Variants in SCAPER observed in about 807,000 individuals in gnomAD.
SCAPER encodes the protein S phase cyclin A-associated protein in the endoplasmic reticulum.
A neutral mutation model predicts 182.2 loss-of-function variants in SCAPER; 98 were observed. That is an observed-to-expected ratio of 0.54 (90% CI 0.46 to 0.64). The LOEUF is 0.64. SCAPER is among the 30% of genes least tolerant of loss of function. SCAPER has a pLI of 0.00. For synonymous variants in SCAPER, 605 were observed against 564.6 expected, an observed-to-expected ratio of 1.07 and a Z score of -1.01; for missense variants, 1,432 against 1,690.0, an observed-to-expected ratio of 0.85 and a Z score of 2.68.
chr15:76,547,276 T>A (rs2045374760), intron 23 of SCAPER, among the ~76,000 whole-genome samples: 1 of 152,184 alleles, frequency 6.6e-6, no homozygotes. Flanking sequence ...GACCTCTGAT[T>A]ATTAATGAGA....
At chr15:76,426,390 G>T (rs1042436088) in intron 26 of SCAPER, among the ~76,000 whole-genome samples, 5 of 152,186 alleles carry the variant, frequency 3.3e-5, no homozygotes, top group African/African-American at 1.2e-4. Context: ...GGCTCCATGG[G>T]TGTGGGACCC....
At chr15:76,746,708 TTG>T (rs1567998211) in intron 15 of SCAPER, among the ~76,000 whole-genome samples, 2 of 152,354 alleles carry the variant, frequency 1.3e-5, no homozygotes, top group South Asian at 2.1e-4. Flanking sequence ...TAAAAATTGA[TTG>T]TGTGTCTACA....
At chr15:76,740,686 T>C (rs998996864) in intron 15 of SCAPER, among the ~76,000 whole-genome samples, 2 of 152,166 alleles carry the variant, frequency 1.3e-5, no homozygotes, top group Non-Finnish European at 2.9e-5. Context: ...AGAGCATATA[T>C]GAGCTTTTCC....
intron 20 of SCAPER, among the ~76,000 whole-genome samples, chr15:76,673,128 A>G (rs189318129): frequency 6.6e-6 from 1 of 152,292 alleles, no homozygotes; most frequent in East Asian, 1.9e-4. Context: ...CTTTCAAGCA[A>G]GAAAAGCACA....
Position 76,795,303 on chromosome 15 carries a change from A to G in SCAPER, c.749T>C (p.Val250Ala), listed in dbSNP as rs368899247. The G allele has an allele frequency of 6.2e-7, 1 of 1,612,906 alleles. No homozygotes were observed. The highest frequency in any genetic ancestry group is 1.3e-5 in the African/African-American group (1 of 75,036). Residue 250 changes from valine to alanine, a missense_variant, in exon 8 of 32, where the codon GTG becomes GCG. Physicochemically the swap from Val to Ala is moderately conservative, Grantham distance 64. Around this residue, in one of 5 missense-constraint regions of SCAPER, gnomAD observed 480 missense variants for 510.2 expected, o/e 0.94. Transcript: ENST00000563290. Reference protein sequence around the residue: ...TPAQSCPPMTVQKASRKNERK... With the variant: ...TPAQSCPPMTAQKASRKNERK... Reference sequence around the variant, plus strand: ...GCCATTTTTGCGTGAGGCCTTCTGCACTGTCATTGGTGGGCAAGACTGGGC... The same window carrying G: ...GCCATTTTTGCGTGAGGCCTTCTGCGCTGTCATTGGTGGGCAAGACTGGGC...
chr15:76,644,400 C>T (rs1181044001), intron 21 of SCAPER, among the ~76,000 whole-genome samples: 3 of 151,966 alleles, frequency 2.0e-5, no homozygotes, highest in Non-Finnish European at 4.4e-5. Context: ...TTTCTAAATG[C>T]TTGATAAATT....
intron 17 of SCAPER, among the ~76,000 whole-genome samples, chr15:76,715,809 C>G (rs924501164): frequency 3.9e-5 from 6 of 152,144 alleles, no homozygotes; most frequent in African/African-American, 1.4e-4. Context: ...AGAAGCATGC[C>G]TACATCCCAG....
chr15:76,705,062 C>A (rs1048903293), intron 18 of SCAPER, among the ~76,000 whole-genome samples: 3 of 152,066 alleles, frequency 2.0e-5, no homozygotes, highest in African/African-American at 4.8e-5. Flanking sequence ...ACCCAAAGGA[C>A]TATAAATCAT....
chr15:76,753,221 C>T (rs1378469677), intron 15 of SCAPER, among the ~76,000 whole-genome samples: 1 of 151,798 alleles, frequency 6.6e-6, no homozygotes, highest in Non-Finnish European at 1.5e-5. Context: ...AACACATGTC[C>T]ATCAACAAGT....
At chr15:76,438,411 C>G (rs2047345030) in intron 25 of SCAPER, among the ~76,000 whole-genome samples, 1 of 152,096 alleles carries the variant, frequency 6.6e-6, no homozygotes, top group Non-Finnish European at 1.5e-5. Context: ...CCTCATCTGC[C>G]CCAAGAAAAT....
intron 8 of SCAPER, among the ~76,000 whole-genome samples, chr15:76,792,470 T>C (rs1358431192): frequency 6.6e-6 from 1 of 152,190 alleles, no homozygotes; most frequent in Admixed American, 6.5e-5. Flanking sequence ...ACTCCCATTG[T>C]TGAGTGGTGG....
intron 20 of SCAPER, among the ~76,000 whole-genome samples, chr15:76,671,899 AAC>A: frequency 6.6e-6 from 1 of 152,260 alleles, no homozygotes; most frequent in Non-Finnish European, 1.5e-5. Context: ...CTAAAAAAGG[AAC>A]AGTTACTCAC....
Position 76,354,015 on chromosome 15 carries a change from G to C in SCAPER, c.3981C>G (p.Asn1327Lys), listed in dbSNP as rs774619387. 4.7e-5 allele frequency: 75 copies of C among 1,607,008 alleles called. No individual in the cohort carries two copies. Among genetic ancestry groups the C allele is most frequent in the Non-Finnish European group, 6.3e-5 (74 of 1,177,980 alleles). ...CCAGAATGATCTTGTTCTGATGGTT[G>C]TTGTAACAAGCAGCGATAAGTGAAG... ...LFPSLIAACY[N>K]NHQNKIILEQ... is the part of the protein sequence containing the mutation. Residue 1327 changes from asparagine (N) to lysine (K), a missense_variant, in exon 30 of 32, where the codon AAC becomes AAG. Physicochemically the swap from Asn to Lys is moderately conservative, Grantham distance 94. Transcript: ENST00000563290. The surrounding 1 kb of genome is among the most constrained non-coding windows in gnomAD (Gnocchi z 4.4).
intron 23 of SCAPER, among the ~76,000 whole-genome samples, chr15:76,555,097 T>TAA (rs549768853): frequency 2.6e-5 from 4 of 151,858 alleles, no homozygotes; most frequent in Non-Finnish European, 5.9e-5. Flanking sequence ...TCAGCATTCT[T>TAA]AAAAAAAACT....
intron 23 of SCAPER, among the ~76,000 whole-genome samples, chr15:76,517,493 G>C (rs537332487): frequency 1.4e-4 from 22 of 151,896 alleles, no homozygotes; most frequent in African/African-American, 5.3e-4. Flanking sequence ...GGGACTACAG[G>C]CATGTGCCAC....
rs1597198454 is a variant in SCAPER at position 76,525,818 on chromosome 15, A to G, written c.2839-20844T>C. Among the ~76,000 whole-genome samples, 3 of 152,342 alleles carry G rather than the reference A, an allele frequency of 2.0e-5. No homozygotes were observed. In the South Asian group the frequency reaches 6.2e-4, roughly 32 times the overall value. ...TATTGTGAATAGCACAGCGGTGAAC[A>G]TAAGAGTACATGTGTCTTTTTGGCA... On this transcript the variant is annotated intron_variant, in intron 23 of 31. Transcript: ENST00000563290.
intron 29 of SCAPER, among the ~76,000 whole-genome samples, chr15:76,363,392 G>A (rs966127516): frequency 7.2e-5 from 11 of 152,206 alleles, no homozygotes; most frequent in African/African-American, 2.4e-4. Flanking sequence ...TTCTATGTGT[G>A]AGAACAGTTA....
At chr15:76,775,184 GAATA>G in intron 8 of SCAPER, 67 bp from the exon 9 acceptor site, 1 of 1,395,840 alleles carries the variant, frequency 7.2e-7, no homozygotes, top group Non-Finnish European at 9.6e-7. Context: ...GAAACTCATA[GAATA>G]AAAACATTTT....
Position 76,747,071 on chromosome 15 carries a change from A to G in SCAPER, c.1866+6737T>C, listed in dbSNP as rs143905808. On this transcript the variant is annotated intron_variant, in intron 15 of 31. Coordinates refer to ENST00000563290, the MANE Select transcript of SCAPER (RefSeq NM_020843.4). ...TACATCATGTTTGGTGGGGACAGGG[A>G]TAACAAAGTTGGAGGACTCACTGTT... 3.9e-4 allele frequency among the ~76,000 whole-genome samples: 60 copies of G among 152,370 alleles called. 2 individuals are homozygous for G. In the East Asian group the frequency reaches 0.012, roughly 29 times the overall value.
Sources: allele counts gnomAD v4.1 joint callset (sites outside exome capture counted in the v4.1 genomes callset), GRCh38; gene constraint gnomAD v4.1.1; regional missense constraint gnomAD v4.1.1; non-coding constraint Gnocchi (gnomAD v3.1); transcripts MANE v1.5; gene names NCBI Gene and HGNC (gene_info 2026-07-23, HGNC 2026-07-21).